Variants in PRKCE observed in about 807,000 individuals in gnomAD.
The protein encoded by PRKCE is protein kinase C epsilon, also known as protein kinase C epsilon type.
A neutral mutation model predicts 85.4 loss-of-function variants in PRKCE; 16 were observed. The observed-to-expected ratio is 0.19, with a 90% CI of 0.13 to 0.28. The LOEUF (loss-of-function observed/expected upper bound fraction) is 0.28. Ranked by LOEUF, PRKCE falls within the 10% of genes least tolerant of loss-of-function variation. The pLI is 1.00. For synonymous variants in PRKCE, 388 were observed against 371.5 expected (o/e 1.04, Z -0.51); for missense variants, 573 against 975.2 (o/e 0.59, Z 5.49).
Position 45,854,371 on chromosome 2 carries a change from G to A in PRKCE, c.412+11308G>A, listed in dbSNP as rs144888389. ...AGTGTGAAACAGGTTACCATAGGGA[G>A]GCATGGATTAAGTCTATGAGGGTCT... On this transcript the variant is annotated intron_variant, in intron 2 of 14. Coordinates refer to ENST00000306156, the MANE Select transcript of PRKCE (RefSeq NM_005400.3). Among the ~76,000 whole-genome samples the A allele has an allele frequency of 6.0e-3, 912 of 152,336 alleles. 8 individuals are homozygous for A. The highest frequency in any genetic ancestry group is 0.01 in the Non-Finnish European group (698 of 68,024).
chr2:46,007,275 G>A lies in PRKCE; in HGVS notation c.1064-187G>A, dbSNP rs374404482. ...TCTTTGCATACCTAAGCTCTGCTGC[G>A]CATTAGGTGCCAATAAGAGTGTGGT... is the stretch of plus-strand genomic sequence containing the variant. On this transcript the variant is annotated intron_variant, in intron 8 of 14. Coordinates refer to ENST00000306156, the MANE Select transcript of PRKCE (RefSeq NM_005400.3). Among the ~76,000 whole-genome samples, 24 of 152,300 alleles carry A rather than the reference G, an allele frequency of 1.6e-4. 1 individual carries two copies. Among genetic ancestry groups the A allele is most frequent in the South Asian group, 6.2e-4 (3 of 4,822 alleles).
intron 1 of PRKCE, among the ~76,000 whole-genome samples, chr2:45,717,356 C>G (rs779026432): frequency 2.0e-5 from 3 of 152,152 alleles, no homozygotes; most frequent in Non-Finnish European, 2.9e-5. Flanking sequence ...CTTCTTACCC[C>G]CTCTCTCTCA....
chr2:45,964,368 G>A (rs1701593272), intron 2 of PRKCE, among the ~76,000 whole-genome samples: 1 of 152,200 alleles, frequency 6.6e-6, no homozygotes, highest in Non-Finnish European at 1.5e-5. Flanking sequence ...TGCAGCAATT[G>A]CTCAGTTTCC....
At chr2:45,651,633 C>T (rs1224086295), upstream of PRKCE, 2 of 157,860 alleles carry the variant, frequency 1.3e-5, no homozygotes, top group East Asian at 3.8e-4. Context: ...CCCCGGTTCT[C>T]GTCCCCGCCC....
At chr2:45,953,338 T>G (rs1700751111) in intron 2 of PRKCE, among the ~76,000 whole-genome samples, 1 of 152,210 alleles carries the variant, frequency 6.6e-6, no homozygotes, top group African/African-American at 2.4e-5. Flanking sequence ...TTGTGACATA[T>G]GTCAGAGCCA....
chr2:46,056,258 A>G (rs1666574661), intron 10 of PRKCE, among the ~76,000 whole-genome samples: 1 of 132,058 alleles, frequency 7.6e-6, no homozygotes, highest in Non-Finnish European at 1.6e-5. Context: ...TTTTTTTTCC[A>G]TTTCATCCTT....
chr2:45,860,181 G>A (rs937180728), intron 2 of PRKCE, among the ~76,000 whole-genome samples: 2 of 152,172 alleles, frequency 1.3e-5, no homozygotes, highest in African/African-American at 4.8e-5. Flanking sequence ...ATAGTGCCTG[G>A]CATACAGTAC....
chr2:46,111,707 C>T (rs1004495753), intron 11 of PRKCE, among the ~76,000 whole-genome samples: 10 of 152,152 alleles, frequency 6.6e-5, no homozygotes, highest in African/African-American at 2.4e-4. Context: ...TTTGGATATA[C>T]CACATTTTGT....
At chr2:45,675,692 G>C (rs1208307139) in intron 1 of PRKCE, 1 of 152,292 alleles carries the variant, frequency 6.6e-6, no homozygotes, top group East Asian at 1.9e-4. Flanking sequence ...CTGTAGGTGG[G>C]AGGAGGGGAG....
chr2:45,850,804 G>T (rs552189111), intron 2 of PRKCE, among the ~76,000 whole-genome samples: 3 of 152,290 alleles, frequency 2.0e-5, no homozygotes, highest in African/African-American at 7.2e-5. Flanking sequence ...GCACACAGGT[G>T]AGAATGAGTG....
At chr2:46,007,049 G>C (rs936266526) in intron 8 of PRKCE, among the ~76,000 whole-genome samples, 1 of 152,222 alleles carries the variant, frequency 6.6e-6, no homozygotes, top group African/African-American at 2.4e-5. Flanking sequence ...TGTGATGACA[G>C]TTCTTGATTC....
chr2:46,018,487 T>C (rs915074564), intron 10 of PRKCE, among the ~76,000 whole-genome samples: 2 of 152,220 alleles, frequency 1.3e-5, no homozygotes, highest in Non-Finnish European at 2.9e-5. Context: ...AAAATTTTTT[T>C]AAAAAAAGCC....
intron 1 of PRKCE, among the ~76,000 whole-genome samples, chr2:45,831,395 A>T (rs556222882): frequency 1.9e-4 from 29 of 152,326 alleles, no homozygotes; most frequent in Non-Finnish European, 3.5e-4. Context: ...AAAATTTCAG[A>T]GGTGGCTGGG....
At chr2:46,051,721 A>G (rs891526982) in intron 10 of PRKCE, among the ~76,000 whole-genome samples, 2 of 152,224 alleles carry the variant, frequency 1.3e-5, no homozygotes, top group African/African-American at 4.8e-5. Context: ...CAAATCCTCA[A>G]TGATGCTATA....
chr2:45,771,787 T>A (rs1573290810), intron 1 of PRKCE, among the ~76,000 whole-genome samples: 1 of 151,640 alleles, frequency 6.6e-6, no homozygotes, highest in Non-Finnish European at 1.5e-5. Context: ...GCTGTGCCCC[T>A]TCCTCCCCAG....
chr2:45,771,956 A>C (rs570217972), intron 1 of PRKCE, among the ~76,000 whole-genome samples: 1 of 152,210 alleles, frequency 6.6e-6, no homozygotes, highest in Admixed American at 6.5e-5. Flanking sequence ...CACAGCCCCC[A>C]ACTCTCTGAA....
At chr2:45,937,451 GC>G (rs1479275706) in intron 2 of PRKCE, among the ~76,000 whole-genome samples, 1 of 152,212 alleles carries the variant, frequency 6.6e-6, no homozygotes, top group Non-Finnish European at 1.5e-5. Context: ...GGTGGCTCAC[GC>G]CTGTAATCCC....
In PRKCE at chr2:46,186,531, T is replaced by C. The variant is rs1407193069; in HGVS notation, c.*1650T>C. ...CAGGTGCAATACTCTGTAAGTCTATTGGTTCAAGTTACCGAGAGATAGGTG... is the reference window on the plus strand; with the variant it reads ...CAGGTGCAATACTCTGTAAGTCTATCGGTTCAAGTTACCGAGAGATAGGTG... On this transcript the variant is annotated 3_prime_UTR_variant, in exon 15 of 15. Transcript: ENST00000306156. The C allele has an allele frequency of 2.0e-5, 3 of 152,646 alleles. No homozygotes were observed. The highest frequency in any genetic ancestry group is 1.9e-4 in the East Asian group (1 of 5,204). 9.5% of individuals were successfully genotyped at this position (152,646 alleles called of 1,614,324 possible).
Position 46,022,801 on chromosome 2 carries a change from C to T in PRKCE, c.1437+12284C>T, listed in dbSNP as rs911045131. Among the ~76,000 whole-genome samples the T allele has an allele frequency of 3.3e-5, 5 of 152,196 alleles. 1 individual carries two copies. The highest frequency in any genetic ancestry group is 4.8e-5 in the African/African-American group (2 of 41,428). On this transcript the variant is annotated intron_variant, in intron 10 of 14. Transcript: ENST00000306156. ...ATCCAGTTAACAGTTTCAATATCAT[C>T]GGCCGGGCGCGGTGGCTCACGCCTG...
Sources: gnomAD v4.1 joint callset for allele counts (sites outside exome capture counted in the v4.1 genomes callset) on GRCh38, gnomAD v4.1.1 for gene constraint, MANE v1.5 for transcripts, NCBI Gene and HGNC (gene_info 2026-07-23, HGNC 2026-07-21) for gene names.